Variants in FAM227A observed in about 807,000 individuals in gnomAD.
FAM227A encodes the protein protein FAM227A.
A neutral mutation model predicts 74.7 loss-of-function variants in FAM227A; 80 were observed. The observed-to-expected ratio is 1.07, with a 90% confidence interval of 0.89 to 1.29. The LOEUF (loss-of-function observed/expected upper bound fraction) is 1.29. FAM227A is among the 50% of genes most tolerant of loss of function. FAM227A has a pLI of 0.00. For missense variants in FAM227A, 654 were observed against 683.4 expected (o/e 0.96, Z 0.48); for synonymous variants, 237 against 241.8 (o/e 0.98, Z 0.19).
At chr22:38,601,439 C>A (rs1368790183) in intron 13 of FAM227A, among the ~76,000 whole-genome samples, 6 of 136,552 alleles carry the variant, frequency 4.4e-5, no homozygotes, top group African/African-American at 1.4e-4. Flanking sequence ...AGGTGGCTCA[C>A]AGGGGTGGGG....
At chr22:38,641,943 G>A (rs554446166) in intron 3 of FAM227A, among the ~76,000 whole-genome samples, 2 of 135,816 alleles carry the variant, frequency 1.5e-5, no homozygotes, top group East Asian at 2.3e-4. Flanking sequence ...CCTGCCTCCC[G>A]AAAAGGTGTG....
intron 11 of FAM227A, among the ~76,000 whole-genome samples, chr22:38,610,296 A>G (rs1474840979): frequency 2.0e-5 from 3 of 152,176 alleles, no homozygotes; most frequent in Non-Finnish European, 4.4e-5. Context: ...AAATGTTAGG[A>G]TTACAGGCCT....
chr22:38,598,864 C>A (rs1038825286), intron 14 of FAM227A, among the ~76,000 whole-genome samples: 84 of 152,088 alleles, frequency 5.5e-4, no homozygotes, highest in African/African-American at 1.9e-3. Flanking sequence ...AACCAATAGA[C>A]CAGTTTGATT....
intron 5 of FAM227A, among the ~76,000 whole-genome samples, chr22:38,637,792 T>C (rs2092035492): frequency 6.6e-6 from 1 of 152,210 alleles, no homozygotes; most frequent in Non-Finnish European, 1.5e-5. Context: ...CTAAAAGGTG[T>C]TAAGAAGGAT....
At chr22:38,613,103 AATTATATATAT>A (rs2091459011) in intron 11 of FAM227A, among the ~76,000 whole-genome samples, 1 of 93,012 alleles carries the variant, frequency 1.1e-5, no homozygotes, top group African/African-American at 4.9e-5. Flanking sequence ...TATTATATAT[AATTATATATAT>A]ATTATATATA....
intron 16 of FAM227A, 146 bp from the exon 17 acceptor site, chr22:38,586,345 T>C (rs2090808407): frequency 1.1e-6 from 1 of 896,830 alleles, no homozygotes; most frequent in Admixed American, 2.7e-5. Context: ...CCAGAGAAAG[T>C]GGTCGAGCAG....
intron 11 of FAM227A, among the ~76,000 whole-genome samples, chr22:38,609,833 G>A (rs148067114): frequency 0.031 from 4,718 of 151,294 alleles, 249 homozygotes; most frequent in African/African-American, 0.11. Flanking sequence ...GTGCAAGGGC[G>A]CGATCTCAGC....
At chr22:38,647,859 T>G (rs1273234229) in intron 2 of FAM227A, among the ~76,000 whole-genome samples, 3 of 151,984 alleles carry the variant, frequency 2.0e-5, no homozygotes. Context: ...GCAGGTAAAA[T>G]GGACTTCTTA....
At chr22:38,636,723 G>T in intron 5 of FAM227A, 126 bp from the exon 6 acceptor site, 1 of 838,430 alleles carries the variant, frequency 1.2e-6, no homozygotes, top group East Asian at 2.9e-5. Context: ...AAAATGAGGG[G>T]TGTTTAGGAT....
rs1014507591 is a variant in FAM227A, at chr22:38,578,851, G to A, written c.*7274C>T. On this transcript the variant is annotated 3_prime_UTR_variant, in exon 17 of 17. Transcript: ENST00000535113. ...CAAAATTAAAGGAGAGAGGCCAAAA[G>A]GAACGAGTATTTGTTGAACACCCAA... 6.6e-6 allele frequency: 1 copy of A among 152,188 alleles called. No individual in the cohort carries two copies. The highest frequency in any genetic ancestry group is 1.5e-5 in the Non-Finnish European group (1 of 68,054). 9.4% of individuals were successfully genotyped at this position (152,188 alleles called of 1,614,324 possible). A position where few individuals can be genotyped will look rare whatever the true frequency, so the allele number is the denominator to read the frequency against.
intron 11 of FAM227A, among the ~76,000 whole-genome samples, chr22:38,608,131 C>T (rs2091327930): frequency 1.7e-5 from 2 of 118,480 alleles, no homozygotes; most frequent in African/African-American, 6.7e-5. Flanking sequence ...CCATCCTGGG[C>T]AACATAGTGA....
chr22:38,648,204 A>G (rs1234638646), intron 2 of FAM227A, among the ~76,000 whole-genome samples: 1 of 151,938 alleles, frequency 6.6e-6, no homozygotes, highest in East Asian at 1.9e-4. Context: ...AGACAGGGCC[A>G]GGGCAGTAAG....
At chr22:38,609,037 C>A (rs1254642890) in intron 11 of FAM227A, among the ~76,000 whole-genome samples, 1 of 152,012 alleles carries the variant, frequency 6.6e-6, no homozygotes, top group Non-Finnish European at 1.5e-5. Context: ...AGGTGATCTG[C>A]CCAACTTGGC....
At position 38,582,345 on chromosome 22, in the gene FAM227A, T is replaced by C. The variant is rs2090718426; in HGVS notation, c.*3780A>G. On this transcript the variant is annotated 3_prime_UTR_variant, in exon 17 of 17. Coordinates refer to ENST00000535113, the MANE Select transcript of FAM227A (RefSeq NM_001013647.2). ...TATAGGATTTTAACTTCATCTCTTC[T>C]AGTTTAACATCTGAATTTATCTTCT... 1.9e-6 allele frequency: 3 copies of C among 1,549,780 alleles called. No homozygotes were observed. The highest frequency in any genetic ancestry group is 1.4e-5 in the African/African-American group (1 of 73,016).
intron 11 of FAM227A, among the ~76,000 whole-genome samples, chr22:38,611,933 A>G (rs1190232012): frequency 6.6e-6 from 1 of 152,150 alleles, no homozygotes; most frequent in East Asian, 1.9e-4. Flanking sequence ...TACGCTGTCC[A>G]TCTCAGTAAA....
chr22:38,590,438 G>A (rs1448248320), intron 16 of FAM227A, among the ~76,000 whole-genome samples: 1 of 152,154 alleles, frequency 6.6e-6, no homozygotes, highest in African/African-American at 2.4e-5. Context: ...GGCTGTCCAT[G>A]GCCCTGAGGC....
chr22:38,644,890 C>G (rs1442551106), intron 3 of FAM227A, among the ~76,000 whole-genome samples: 1 of 150,860 alleles, frequency 6.6e-6, no homozygotes. Context: ...GAGTTTGAGA[C>G]CAGCCTGACC....
intron 11 of FAM227A, among the ~76,000 whole-genome samples, chr22:38,609,046 G>A (rs1011335105): frequency 2.0e-5 from 3 of 151,946 alleles, no homozygotes; most frequent in African/African-American, 7.3e-5. Flanking sequence ...GCCCAACTTG[G>A]CCTCTCAAAG....
rs577875840 is a variant in FAM227A at position 38,617,931 on chromosome 22, A to C, written c.1038+2281T>G. Among the ~76,000 whole-genome samples, 20 of 152,316 alleles carry C rather than the reference A, an allele frequency of 1.3e-4. No homozygotes were observed. In the South Asian group the frequency reaches 4.1e-3, roughly 32 times the overall value. Reference sequence around the variant, plus strand: ...CACAGCACTCTGGCCTGGGCAACAGAGTGAGACCCTGTCTCTAAAAGAATA... The same window carrying C: ...CACAGCACTCTGGCCTGGGCAACAGCGTGAGACCCTGTCTCTAAAAGAATA... On this transcript the variant is annotated intron_variant, in intron 11 of 16. Coordinates refer to ENST00000535113, the MANE Select transcript of FAM227A (RefSeq NM_001013647.2).
Sources: allele counts gnomAD v4.1 joint callset (sites outside exome capture counted in the v4.1 genomes callset), GRCh38; gene constraint gnomAD v4.1.1; transcripts MANE v1.5; gene names NCBI Gene and HGNC (gene_info 2026-07-23, HGNC 2026-07-21).